The following TIMM10 variants were observed in gnomAD, a reference collection of about 807,000 sequenced individuals.
TIMM10 encodes translocase of inner mitochondrial membrane 10.
Under a neutral mutation model 9.1 loss-of-function variants are expected in TIMM10, and 13 were observed. The ratio of observed to expected loss-of-function variants is 1.42; its 90% CI spans 0.93 to 2.26. The LOEUF (loss-of-function observed/expected upper bound fraction) is 2.26. Among genes scored for constraint, TIMM10 ranks in the 30% most tolerant of loss-of-function variants. The pLI is 0.00. For synonymous variants in TIMM10, 40 were observed against 42.1 expected (o/e 0.95, Z 0.20); for missense variants, 82 against 113.6 (o/e 0.72, Z 1.26).
chr11:57,530,080 CT>C (rs1368496020), intron 2 of TIMM10, 38 bp downstream of exon 2: 2 of 1,609,832 alleles, frequency 1.2e-6, no homozygotes, highest in Admixed American at 3.3e-5. Flanking sequence ...GTGACCAAGA[CT>C]TATTTTCCAA....
chr11:57,528,615 A>T lies in TIMM10; in HGVS notation c.*102T>A. 1 of 1,151,434 alleles carries T rather than the reference A, an allele frequency of 8.7e-7. No individual in the cohort carries two copies. The highest frequency in any genetic ancestry group is 1.3e-6 in the Non-Finnish European group (1 of 790,778). The allele number at this position is 1,151,434 out of a possible 1,614,324, so 71.3% of individuals were successfully genotyped here. On this transcript the variant is annotated 3_prime_UTR_variant, in exon 3 of 3. Coordinates refer to ENST00000257245, the MANE Select transcript of TIMM10 (RefSeq NM_012456.3). Reference sequence around the variant, plus strand: ...GGGATCTTGAAGACTCTCTACAGAGAGCCTAGGCCTGGCAGTCTTCACAGA... The same window carrying T: ...GGGATCTTGAAGACTCTCTACAGAGTGCCTAGGCCTGGCAGTCTTCACAGA...
Position 57,528,925 on chromosome 11 carries a change from G to C in TIMM10, c.72-7C>G. 1 of 1,612,606 alleles carries C rather than the reference G, an allele frequency of 6.2e-7. No individual in the cohort carries two copies. The highest frequency in any genetic ancestry group is 8.5e-7 in the Non-Finnish European group (1 of 1,179,972). On this transcript the variant is annotated splice_polypyrimidine_tract_variant and splice_region_variant and intron_variant, in intron 2 of 2. Coordinates refer to ENST00000257245, the MANE Select transcript of TIMM10 (RefSeq NM_012456.3). ...GTGGCAGGCACTGGTCATTCTGGAG[G>C]GAGGGAGGGGCAAGGTCATGTCAGC...
In TIMM10 at chr11:57,528,587, T is replaced by C; in HGVS notation, c.*130A>G. 1 of 812,264 alleles carries C rather than the reference T, an allele frequency of 1.2e-6. No individual in the cohort carries two copies. The highest frequency in any genetic ancestry group is 2.0e-6 in the Non-Finnish European group (1 of 507,276). 50.3% of individuals were successfully genotyped at this position (812,264 alleles called of 1,614,324 possible). Reference sequence around the variant, plus strand: ...CTTCACCAGGAGACAGCGCTACCACTCCGGGATCTTGAAGACTCTCTACAG... The same window carrying C: ...CTTCACCAGGAGACAGCGCTACCACCCCGGGATCTTGAAGACTCTCTACAG... On this transcript the variant is annotated 3_prime_UTR_variant, in exon 3 of 3. Transcript: ENST00000257245.
intron 2 of TIMM10, among the ~76,000 whole-genome samples, chr11:57,529,779 G>T (rs985389013): frequency 6.6e-6 from 1 of 152,174 alleles, no homozygotes; most frequent in Admixed American, 6.5e-5. Flanking sequence ...ACAGAATAAA[G>T]GGTTTTAAAA....
At chr11:57,530,524 T>C (rs1944789213) in intron 1 of TIMM10, 134 bp downstream of exon 1, 1 of 298,512 alleles carries the variant, frequency 3.3e-6, no homozygotes, top group Non-Finnish European at 6.7e-6. Flanking sequence ...CCCACGAACC[T>C]GAACCTCCAG....
rs746688816 is a variant in TIMM10, at chr11:57,530,198, A to G, written c.-9T>C. 1 of 1,613,968 alleles carries G rather than the reference A, an allele frequency of 6.2e-7. No homozygotes were observed. Among genetic ancestry groups the G allele is most frequent in the South Asian group, 1.1e-5 (1 of 91,068 alleles). ...GCCCTGAGAGGATCCATCTCAGCCT[A>G]GCACCGTGGAAGGGATCTCCTTCTG... On this transcript the variant is annotated 5_prime_UTR_variant, in exon 2 of 3. Transcript: ENST00000257245.
chr11:57,530,166 C>G lies in TIMM10; in HGVS notation c.24G>C (p.Gln8His). The change falls in exon 2 of 3, where the codon CAG becomes CAC. Residue 8 changes from glutamine (Q) to histidine (H), a missense_variant. Coordinates refer to ENST00000257245, the MANE Select transcript of TIMM10 (RefSeq NM_012456.3). MDPLRAQ[Q>H]LAAELEVEMM... is the part of the protein sequence containing the mutation. The stretch of plus-strand genomic sequence containing the variant: ...TCTCCACCTCCAGCTCCGCAGCCAG[C>G]TGTTGGGCCCTGAGAGGATCCATCT... The G allele has an allele frequency of 6.2e-7, 1 of 1,614,172 alleles. No homozygotes were observed. Among genetic ancestry groups the G allele is most frequent in the Non-Finnish European group, 8.5e-7 (1 of 1,180,026 alleles).
chr11:57,529,735 A>G (rs542944555), intron 2 of TIMM10, among the ~76,000 whole-genome samples: 1 of 152,364 alleles, frequency 6.6e-6, no homozygotes, highest in African/African-American at 2.4e-5. Flanking sequence ...AAATTAACCC[A>G]CTGGATTATT....
intron 1 of TIMM10, 176 bp from the exon 2 acceptor site, chr11:57,530,410 G>A (rs1944787650): frequency 3.8e-6 from 2 of 531,876 alleles, no homozygotes; most frequent in Admixed American, 3.1e-5. Flanking sequence ...GGTCGCACAG[G>A]ACGTCTATGG....
chr11:57,530,435 G>A (rs1008988590), intron 1 of TIMM10: 1 of 515,496 alleles, frequency 1.9e-6, no homozygotes, highest in African/African-American at 1.9e-5. Context: ...CCTGGAAATC[G>A]AGCCCCGGAT....
Position 57,528,687 on chromosome 11 carries a change from T to A in TIMM10, c.*30A>T, listed in dbSNP as rs1944772608. 11 of 1,609,384 alleles carry A rather than the reference T, an allele frequency of 6.8e-6. No individual in the cohort carries two copies. The highest frequency in any genetic ancestry group is 9.3e-6 in the Non-Finnish European group (11 of 1,177,242). On this transcript the variant is annotated 3_prime_UTR_variant, in exon 3 of 3. Transcript: ENST00000257245. Reference sequence around the variant, plus strand: ...TTTATTAAAGTGGGAAGGGGTGGGGTACACCCCAGGGTGTATACTGACAGG... The same window carrying A: ...TTTATTAAAGTGGGAAGGGGTGGGGAACACCCCAGGGTGTATACTGACAGG...
At chr11:57,529,971 G>C in intron 2 of TIMM10, 148 bp downstream of exon 2, 1 of 762,762 alleles carries the variant, frequency 1.3e-6, no homozygotes, top group Non-Finnish European at 2.2e-6. Flanking sequence ...TCTACATTAG[G>C]ATCAACCTTG....
chr11:57,528,574 A>G lies in TIMM10; in HGVS notation c.*143T>C. On this transcript the variant is annotated 3_prime_UTR_variant, in exon 3 of 3. Transcript: ENST00000257245. ...GTGACAAATACTCCTTCACCAGGAG[A>G]CAGCGCTACCACTCCGGGATCTTGA... 1.5e-6 allele frequency: 1 copy of G among 677,176 alleles called. No homozygotes were observed. Among genetic ancestry groups the G allele is most frequent in the South Asian group, 1.9e-5 (1 of 54,002 alleles). The allele number at this position is 677,176 out of a possible 1,614,324, so 41.9% of individuals were successfully genotyped here.
Position 57,530,176 on chromosome 11 carries a change from C to A in TIMM10, c.14G>T (p.Arg5Met). ...CAGCTCCGCAGCCAGCTGTTGGGCC[C>A]TGAGAGGATCCATCTCAGCCTAGCA... is the stretch of plus-strand genomic sequence containing the variant. The part of the protein sequence containing the change: MDPL[R>M]AQQLAAELEV... The change falls in exon 2 of 3, where the codon AGG (arginine) becomes ATG (methionine). Residue 5 changes from arginine (R) to methionine (M), a missense_variant. By Grantham distance (91) the Arg-to-Met change is moderately conservative. Transcript: ENST00000257245. 6.2e-7 allele frequency: 1 copy of A among 1,614,162 alleles called. No homozygotes were observed. Among genetic ancestry groups the A allele is most frequent in the South Asian group, 1.1e-5 (1 of 91,082 alleles).
At position 57,530,113 on chromosome 11, in the gene TIMM10, C is replaced by T. The variant is rs752934360; in HGVS notation, c.71+6G>A. ...CCAAGACAGGGTAGCACATAGTTCTCTTTACCTGTTGTACATATCGGCCAT... is the reference window on the plus strand; with the variant it reads ...CCAAGACAGGGTAGCACATAGTTCTTTTTACCTGTTGTACATATCGGCCAT... On this transcript the variant is annotated splice_donor_region_variant and intron_variant, in intron 2 of 2. Transcript: ENST00000257245. The T allele has an allele frequency of 1.2e-6, 2 of 1,614,086 alleles. No individual in the cohort carries two copies. The highest frequency in any genetic ancestry group is 1.7e-6 in the Non-Finnish European group (2 of 1,179,948).
intron 2 of TIMM10, 22 bp downstream of exon 2, chr11:57,530,097 G>C: frequency 6.2e-7 from 1 of 1,613,176 alleles, no homozygotes; most frequent in Non-Finnish European, 8.5e-7. Flanking sequence ...TCCAAGACAG[G>C]GTAGCACATA....
intron 2 of TIMM10, 139 bp from the exon 3 acceptor site, chr11:57,529,057 G>T (rs1372952465): frequency 3.4e-6 from 3 of 872,372 alleles, no homozygotes; most frequent in Non-Finnish European, 5.4e-6. Flanking sequence ...TCAACCACTG[G>T]AAGGTCCTTG....
chr11:57,530,204 G>A lies in TIMM10; in HGVS notation c.-15C>T, dbSNP rs534123521. ...AGAGGATCCATCTCAGCCTAGCACC[G>A]TGGAAGGGATCTCCTTCTGGCCTCC... On this transcript the variant is annotated 5_prime_UTR_variant, in exon 2 of 3. The change creates a new upstream start codon in the 5' untranslated region. Coordinates refer to ENST00000257245, the MANE Select transcript of TIMM10 (RefSeq NM_012456.3). The A allele has an allele frequency of 1.2e-6, 2 of 1,613,770 alleles. No individual in the cohort carries two copies. The highest frequency in any genetic ancestry group is 1.3e-5 in the African/African-American group (1 of 74,998).
chr11:57,528,912 G>C lies in TIMM10; in HGVS notation c.78C>G (p.Thr26=), dbSNP rs781503526. 6.2e-7 allele frequency: 1 copy of C among 1,612,928 alleles called. No individual in the cohort carries two copies. The highest frequency in any genetic ancestry group is 8.5e-7 in the Non-Finnish European group (1 of 1,179,974). The change falls in exon 3 of 3, where the codon ACC becomes ACG. Residue 26 remains threonine (T), a synonymous_variant. Coordinates refer to ENST00000257245, the MANE Select transcript of TIMM10 (RefSeq NM_012456.3). ...GCACACACTTCCGGTGGCAGGCACT[G>C]GTCATTCTGGAGGGAGGGAGGGGCA... ...EMMADMYNRM[T]SACHRKCVPP... is the part of the protein sequence containing the mutation.
Sources: allele counts gnomAD v4.1 joint callset (sites outside exome capture counted in the v4.1 genomes callset), GRCh38; gene constraint gnomAD v4.1.1; transcripts MANE v1.5; gene names NCBI Gene and HGNC (gene_info 2026-07-23, HGNC 2026-07-21).